SAMTOR: variants seen among roughly 807,000 people sequenced by gnomAD.
SAMTOR encodes the protein UPF0532 protein C7orf60.
At chr7:112,916,840 G>A in the SAMTOR span, among the ~76,000 whole-genome samples, 1 of 152,184 alleles carries the variant, frequency 6.6e-6, no homozygotes, top group Non-Finnish European at 1.5e-5. Flanking sequence ...CTCGCTGATT[G>A]CTAGCACAGC....
At chr7:112,926,490 C>A in the SAMTOR span, among the ~76,000 whole-genome samples, 1 of 152,098 alleles carries the variant, frequency 6.6e-6, no homozygotes, top group Admixed American at 6.6e-5. Context: ...AGGAAGAATT[C>A]AAACTTTGTA....
the SAMTOR span, among the ~76,000 whole-genome samples, chr7:112,898,760 C>T: frequency 6.6e-6 from 1 of 152,314 alleles, no homozygotes; most frequent in African/African-American, 2.4e-5. Context: ...ACTCATTCCA[C>T]CTGGGGGAAG....
the SAMTOR span, among the ~76,000 whole-genome samples, chr7:112,834,382 CT>C: frequency 1.6e-3 from 222 of 142,544 alleles, 1 homozygote; most frequent in South Asian, 0.015. Context: ...ATACACTTTA[CT>C]TTTTTTTTTT....
At chr7:112,903,900 C>T in the SAMTOR span, among the ~76,000 whole-genome samples, 1 of 151,924 alleles carries the variant, frequency 6.6e-6, no homozygotes, top group South Asian at 2.1e-4. Flanking sequence ...AGATAAACTT[C>T]ATCTATGAGA....
the SAMTOR span, among the ~76,000 whole-genome samples, chr7:112,869,887 T>TA: frequency 6.6e-6 from 1 of 152,146 alleles, no homozygotes; most frequent in Non-Finnish European, 1.5e-5. Flanking sequence ...CATCTGGAAT[T>TA]AAAAAATTCA....
the SAMTOR span, among the ~76,000 whole-genome samples, chr7:112,823,959 T>G: frequency 6.6e-6 from 1 of 152,232 alleles, no homozygotes; most frequent in African/African-American, 2.4e-5. Context: ...CATCCAGATA[T>G]CTTCTATGTT....
At chr7:112,902,111 G>A in the SAMTOR span, among the ~76,000 whole-genome samples, 1 of 152,116 alleles carries the variant, frequency 6.6e-6, no homozygotes, top group East Asian at 1.9e-4. Flanking sequence ...TAAAAAAGGT[G>A]GTGGTTGCAG....
chr7:112,883,456 C>T, the SAMTOR span, among the ~76,000 whole-genome samples: 41 of 152,026 alleles, frequency 2.7e-4, 1 homozygote, highest in Non-Finnish European at 5.6e-4. Flanking sequence ...TTCTAAAAAA[C>T]AATAGCAAAA....
chr7:112,865,950 C>G, the SAMTOR span, among the ~76,000 whole-genome samples: 1 of 151,204 alleles, frequency 6.6e-6, no homozygotes, highest in African/African-American at 2.4e-5. Context: ...ACAGCAAGAC[C>G]CTGTCTCTTA....
At chr7:112,838,099 G>T in the SAMTOR span, among the ~76,000 whole-genome samples, 7 of 152,062 alleles carry the variant, frequency 4.6e-5, no homozygotes, top group East Asian at 7.7e-4. Context: ...TGTGAAAAGG[G>T]TGTTTGTGTG....
At chr7:112,820,141 C>T in the SAMTOR span, 1 of 152,436 alleles carries the variant, frequency 6.6e-6, no homozygotes, top group Non-Finnish European at 1.5e-5. Flanking sequence ...TAAAAAATTA[C>T]AATCTTGTTA....
the SAMTOR span, among the ~76,000 whole-genome samples, chr7:112,883,753 C>T: frequency 6.6e-6 from 1 of 152,208 alleles, no homozygotes; most frequent in African/African-American, 2.4e-5. Context: ...TCTGCCATGG[C>T]AAGTACTAGA....
chr7:112,872,182 A>G, the SAMTOR span, among the ~76,000 whole-genome samples: 1 of 152,184 alleles, frequency 6.6e-6, no homozygotes, highest in East Asian at 1.9e-4. Context: ...AAAAACAACA[A>G]TAAACTACAG....
chr7:112,901,459 C>T, the SAMTOR span, among the ~76,000 whole-genome samples: 1 of 152,222 alleles, frequency 6.6e-6, no homozygotes, highest in Non-Finnish European at 1.5e-5. Context: ...GGAAAACAAG[C>T]TCAGGGCTCT....
At chr7:112,936,905 C>T in the SAMTOR span, among the ~76,000 whole-genome samples, 20 of 152,254 alleles carry the variant, frequency 1.3e-4, no homozygotes, top group African/African-American at 4.3e-4. Flanking sequence ...CATTTTCCCT[C>T]CTATTCTAAC....
chr7:112,921,701 G>C, the SAMTOR span, among the ~76,000 whole-genome samples: 2 of 137,874 alleles, frequency 1.5e-5, no homozygotes, highest in African/African-American at 2.8e-5. Context: ...CTACTCATCT[G>C]ACAAAGGGCT....
At chr7:112,833,568 A>T in the SAMTOR span, among the ~76,000 whole-genome samples, 1 of 152,202 alleles carries the variant, frequency 6.6e-6, no homozygotes, top group African/African-American at 2.4e-5. Context: ...TAGTAAAAGC[A>T]GAATTTGCTA....
the SAMTOR span, among the ~76,000 whole-genome samples, chr7:112,885,530 C>T: frequency 3.9e-5 from 6 of 152,132 alleles, no homozygotes; most frequent in Admixed American, 3.9e-4. Context: ...TGCTGCCAGT[C>T]TCTTTGCATA....
the SAMTOR span, among the ~76,000 whole-genome samples, chr7:112,863,083 A>G: frequency 5.9e-5 from 9 of 152,138 alleles, no homozygotes; most frequent in African/African-American, 1.7e-4. Context: ...AAAAAAATAC[A>G]TATATATAGG....
Sources: allele counts gnomAD v4.1 joint callset (sites outside exome capture counted in the v4.1 genomes callset), GRCh38; gene constraint gnomAD v4.1.1; transcripts MANE v1.5; gene names NCBI Gene and HGNC (gene_info 2026-07-23, HGNC 2026-07-21).